SGIP1: variants seen among roughly 807,000 people sequenced by gnomAD.
SGIP1 encodes the protein SH3GL interacting endocytic adaptor 1.
SGIP1 carries 38 observed loss-of-function variants against 107.5 expected under a neutral mutation model. The ratio of observed to expected loss-of-function variants is 0.35; its 90% CI spans 0.27 to 0.46. The LOEUF (loss-of-function observed/expected upper bound fraction) is 0.46, where lower values mean the gene tolerates loss of function less well. SGIP1 is among the 20% of genes least tolerant of loss of function. The pLI is 1.00. For missense variants in SGIP1, 929 were observed against 1,019.5 expected (o/e 0.91, Z 1.21); for synonymous variants, 365 against 366.1 (o/e 1.00, Z 0.03).
intron 1 of SGIP1, among the ~76,000 whole-genome samples, chr1:66,541,166 T>C (rs1400378811): frequency 6.6e-6 from 1 of 152,252 alleles, no homozygotes; most frequent in Admixed American, 6.5e-5. Flanking sequence ...CTTCTGCAAC[T>C]CCTAGTCTGG....
intron 18 of SGIP1, among the ~76,000 whole-genome samples, chr1:66,717,691 C>T (rs1048037500): frequency 2.6e-5 from 4 of 152,072 alleles, no homozygotes; most frequent in African/African-American, 9.7e-5. Flanking sequence ...TACCCCAGTG[C>T]CAATCTTAAA....
At chr1:66,576,632 A>AT (rs1285023893) in intron 1 of SGIP1, among the ~76,000 whole-genome samples, 2 of 152,022 alleles carry the variant, frequency 1.3e-5, no homozygotes, top group Non-Finnish European at 2.9e-5. Flanking sequence ...CCCCTTCTAT[A>AT]TTTTTACTCC....
At chr1:66,665,028 G>T (rs771360534) in intron 8 of SGIP1, among the ~76,000 whole-genome samples, 6 of 152,086 alleles carry the variant, frequency 3.9e-5, no homozygotes, top group Non-Finnish European at 7.4e-5. Context: ...CAACGTGCAG[G>T]TTTGTTACAT....
chr1:66,602,563 C>T (rs1422888237), intron 1 of SGIP1, among the ~76,000 whole-genome samples: 1 of 152,026 alleles, frequency 6.6e-6, no homozygotes, highest in East Asian at 1.9e-4. Context: ...ATGGTTGCAG[C>T]ACACCAACAT....
chr1:66,546,300 C>A (rs1418705495), intron 1 of SGIP1, among the ~76,000 whole-genome samples: 1 of 152,172 alleles, frequency 6.6e-6, no homozygotes, highest in Non-Finnish European at 1.5e-5. Flanking sequence ...TATAGTATCT[C>A]ACATATGTCT....
In SGIP1 at chr1:66,749,902, T is replaced by G. The variant is rs1397269802; in HGVS notation, c.*6807T>G. On this transcript the variant is annotated 3_prime_UTR_variant, in exon 25 of 25. Transcript: ENST00000371037. ...CTTTTCAAGTTGCTAGAATGATAAT[T>G]CATATAGCTGTGTTGATTTTTCAGG... 6.6e-6 allele frequency among the ~76,000 whole-genome samples: 1 copy of G among 152,078 alleles called. No individual in the cohort carries two copies. Among genetic ancestry groups the G allele is most frequent in the African/African-American group, 2.4e-5 (1 of 41,426 alleles).
At chr1:66,672,398 C>T (rs1232519714) in intron 11 of SGIP1, among the ~76,000 whole-genome samples, 1 of 152,160 alleles carries the variant, frequency 6.6e-6, no homozygotes, top group Non-Finnish European at 1.5e-5. Context: ...AGGAATCTTC[C>T]ATTCTGTTTT....
At chr1:66,587,700 T>C (rs752426659) in intron 1 of SGIP1, among the ~76,000 whole-genome samples, 1 of 152,146 alleles carries the variant, frequency 6.6e-6, no homozygotes, top group Non-Finnish European at 1.5e-5. Flanking sequence ...TAACAAATTC[T>C]GGGGAGTCAT....
At chr1:66,551,902 A>C (rs1159651210) in intron 1 of SGIP1, among the ~76,000 whole-genome samples, 1 of 152,150 alleles carries the variant, frequency 6.6e-6, no homozygotes, top group African/African-American at 2.4e-5. Flanking sequence ...GGTAGTAATG[A>C]TATTCATTAT....
rs1033416974 is a variant in SGIP1 at position 66,696,937 on chromosome 1, A to T, written c.1630+1444A>T. Among the ~76,000 whole-genome samples the T allele has an allele frequency of 2.0e-5, 3 of 152,218 alleles. No homozygotes were observed. In the East Asian group the frequency reaches 5.8e-4, roughly 29 times the overall value. ...ACAGTTGCATAAGTTGGTAATCCTG[A>T]AGTAAAGCAATACCTGCATACTTAA... On this transcript the variant is annotated intron_variant, in intron 18 of 24. Transcript: ENST00000371037.
At chr1:66,729,789 A>T (rs1049513438) in intron 20 of SGIP1, among the ~76,000 whole-genome samples, 1 of 152,110 alleles carries the variant, frequency 6.6e-6, no homozygotes, top group Non-Finnish European at 1.5e-5. Flanking sequence ...CTTTCATTGT[A>T]TGAGCATCTT....
At position 66,555,804 on chromosome 1, in the gene SGIP1, C is replaced by A. The variant is rs61798702; in HGVS notation, c.10+21436C>A. Among the ~76,000 whole-genome samples, 765 of 152,204 alleles carry A rather than the reference C, an allele frequency of 5.0e-3. 3 individuals are homozygous for A. The highest frequency in any genetic ancestry group is 8.4e-3 in the Non-Finnish European group (570 of 67,990). On this transcript the variant is annotated intron_variant, in intron 1 of 24. Transcript: ENST00000371037. ...AAAAGCACTACCTATGTATCAGGCC[C>A]AGTTCCAAGTGCATTATCCATACTG...
intron 18 of SGIP1, among the ~76,000 whole-genome samples, chr1:66,708,543 T>G (rs1041288998): frequency 6.6e-6 from 1 of 152,190 alleles, no homozygotes; most frequent in African/African-American, 2.4e-5. Context: ...ATGTTCATAT[T>G]TAACAATAGT....
At chr1:66,714,961 C>T (rs1020151965) in intron 18 of SGIP1, among the ~76,000 whole-genome samples, 14 of 152,240 alleles carry the variant, frequency 9.2e-5, no homozygotes, top group Middle Eastern at 3.4e-3. Context: ...CTCTGAGGTG[C>T]TATGGGGGAT....
chr1:66,630,898 A>AGAAAGAAAAGAAAGAAG (rs2074317097), intron 2 of SGIP1, among the ~76,000 whole-genome samples: 1 of 8,250 alleles, frequency 1.2e-4, no homozygotes, highest in Non-Finnish European at 2.4e-4. Flanking sequence ...AAAGAAAGAA[A>AGAAAGAAAAGAAAGAAG]GAAAGAAGGG....
chr1:66,576,507 G>A (rs1164344194), intron 1 of SGIP1, among the ~76,000 whole-genome samples: 2 of 152,104 alleles, frequency 1.3e-5, no homozygotes, highest in Non-Finnish European at 2.9e-5. Flanking sequence ...TCATGGTAAG[G>A]ATTTATAGAG....
chr1:66,671,818 A>G, intron 10 of SGIP1, 126 bp from the exon 11 acceptor site: 1 of 864,574 alleles, frequency 1.2e-6, no homozygotes, highest in Non-Finnish European at 1.8e-6. Flanking sequence ...TTTGTTTTGC[A>G]AAGTTTTCAT....
At chr1:66,601,488 G>C (rs747337500) in intron 1 of SGIP1, among the ~76,000 whole-genome samples, 7 of 151,956 alleles carry the variant, frequency 4.6e-5, no homozygotes, top group Non-Finnish European at 8.8e-5. Context: ...TGTCAGAGTT[G>C]GGGAGGGGTT....
intron 7 of SGIP1, among the ~76,000 whole-genome samples, chr1:66,645,512 A>G (rs1351610012): frequency 6.6e-6 from 1 of 152,196 alleles, no homozygotes; most frequent in Non-Finnish European, 1.5e-5. Flanking sequence ...ACCCAGAGAG[A>G]GTGACCTCGG....
Sources: allele counts gnomAD v4.1 joint callset (sites outside exome capture counted in the v4.1 genomes callset), GRCh38; gene constraint gnomAD v4.1.1; transcripts MANE v1.5; gene names NCBI Gene and HGNC (gene_info 2026-07-23, HGNC 2026-07-21).